The following MGAT4C variants were observed in gnomAD, a reference collection of about 807,000 sequenced individuals.
The protein encoded by MGAT4C is alpha-1,3-mannosyl-glycoprotein 4-beta-N-acetylglucosaminyltransferase C.
A neutral mutation model predicts 40.1 loss-of-function variants in MGAT4C; 19 were observed. The ratio of observed to expected loss-of-function variants is 0.47; its 90% CI spans 0.33 to 0.70. The LOEUF (loss-of-function observed/expected upper bound fraction) is 0.70. MGAT4C is among the 30% of genes least tolerant of loss of function. The pLI, the probability that MGAT4C is intolerant of heterozygous loss-of-function variation, is 0.02. For synonymous variants in MGAT4C, 181 were observed against 187.1 expected, an observed-to-expected ratio of 0.97 and a Z score of 0.27; for missense variants, 491 against 563.2, an observed-to-expected ratio of 0.87 and a Z score of 1.30.
intron 1 of MGAT4C, among the ~76,000 whole-genome samples, chr12:86,815,533 A>AC (rs1467823331): frequency 2.9e-4 from 44 of 151,742 alleles, no homozygotes; most frequent in Admixed American, 1.3e-4. Context: ...ATTCAAAAAA[A>AC]AAAATACATG....
intron 1 of MGAT4C, among the ~76,000 whole-genome samples, chr12:86,233,229 TA>T (rs1270147851): frequency 6.6e-6 from 1 of 152,212 alleles, no homozygotes; most frequent in African/African-American, 2.4e-5. Context: ...GTTTTCTTCA[TA>T]AGCAGCTTAT....
intron 4 of MGAT4C, among the ~76,000 whole-genome samples, chr12:86,278,961 T>C (rs1034652057): frequency 6.6e-6 from 1 of 152,270 alleles, no homozygotes; most frequent in Non-Finnish European, 1.5e-5. Flanking sequence ...AGTCAGTTGA[T>C]ATGATGTCTC....
chr12:86,715,368 G>A (rs1950627150), intron 2 of MGAT4C, among the ~76,000 whole-genome samples: 1 of 152,134 alleles, frequency 6.6e-6, no homozygotes, highest in African/African-American at 2.4e-5. Context: ...GGCAGTAGCT[G>A]ATGGGTGAGG....
chr12:86,491,174 G>C (rs961727123), intron 2 of MGAT4C, among the ~76,000 whole-genome samples: 1 of 152,046 alleles, frequency 6.6e-6, no homozygotes, highest in Non-Finnish European at 1.5e-5. Context: ...ACCAAAAAGA[G>C]TCCAGGACCA....
At chr12:86,443,126 T>C (rs944317653) in intron 2 of MGAT4C, among the ~76,000 whole-genome samples, 1 of 152,144 alleles carries the variant, frequency 6.6e-6, no homozygotes, top group African/African-American at 2.4e-5. Flanking sequence ...TTTGCAGGTG[T>C]CTGGAACCAA....
At chr12:86,601,916 G>A (rs1426183810) in intron 2 of MGAT4C, among the ~76,000 whole-genome samples, 1 of 152,180 alleles carries the variant, frequency 6.6e-6, no homozygotes, top group East Asian at 1.9e-4. Flanking sequence ...GTAACATGCT[G>A]TAATACCCTC....
chr12:86,098,286 T>C (rs1209833871), intron 1 of MGAT4C, among the ~76,000 whole-genome samples: 1 of 151,654 alleles, frequency 6.6e-6, no homozygotes, highest in Non-Finnish European at 1.5e-5. Context: ...TTCAAGGTAA[T>C]TTGTTATTTT....
intron 1 of MGAT4C, among the ~76,000 whole-genome samples, chr12:86,114,844 TA>T (rs1878110847): frequency 6.6e-6 from 1 of 151,976 alleles, no homozygotes; most frequent in Non-Finnish European, 1.5e-5. Flanking sequence ...TGTTAAAATC[TA>T]TTACCTACCC....
chr12:86,623,185 C>A (rs778413846), intron 2 of MGAT4C, among the ~76,000 whole-genome samples: 2 of 151,968 alleles, frequency 1.3e-5, no homozygotes, highest in Non-Finnish European at 2.9e-5. Context: ...AGAAAACAAC[C>A]AAACCTGTTC....
chr12:86,716,398 G>GT (rs1565944849), intron 2 of MGAT4C, among the ~76,000 whole-genome samples: 1 of 151,850 alleles, frequency 6.6e-6, no homozygotes, highest in Non-Finnish European at 1.5e-5. Context: ...ATTCCTTTTG[G>GT]TGGTGTTCAT....
intron 2 of MGAT4C, among the ~76,000 whole-genome samples, chr12:86,462,971 C>A (rs1193294309): frequency 5.9e-5 from 2 of 33,804 alleles, no homozygotes; most frequent in Non-Finnish European, 1.0e-4. Context: ...CAATACTTTC[C>A]ATCCTTCAAT....
At chr12:86,401,954 T>C (rs939967374) in intron 3 of MGAT4C, among the ~76,000 whole-genome samples, 2 of 152,080 alleles carry the variant, frequency 1.3e-5, no homozygotes, top group Non-Finnish European at 2.9e-5. Context: ...TACAAACATG[T>C]TTATGATTGC....
At chr12:86,172,054 C>T (rs1216691922) in intron 1 of MGAT4C, among the ~76,000 whole-genome samples, 1 of 152,138 alleles carries the variant, frequency 6.6e-6, no homozygotes, top group Non-Finnish European at 1.5e-5. Flanking sequence ...TTCTTTTGAA[C>T]CTTTCCTCAA....
chr12:86,447,704 A>C (rs1323139343), intron 2 of MGAT4C, among the ~76,000 whole-genome samples: 15 of 152,222 alleles, frequency 9.9e-5, no homozygotes, highest in Non-Finnish European at 2.2e-4. Context: ...TCAGCCATCC[A>C]ATATATAGAC....
At chr12:86,185,575 A>G (rs1020475992) in intron 1 of MGAT4C, among the ~76,000 whole-genome samples, 4 of 152,180 alleles carry the variant, frequency 2.6e-5, no homozygotes, top group African/African-American at 9.6e-5. Flanking sequence ...AACATGATCT[A>G]ATTCTGCCCC....
chr12:86,795,303 G>A (rs570400543), intron 1 of MGAT4C, among the ~76,000 whole-genome samples: 1 of 151,904 alleles, frequency 6.6e-6, no homozygotes, highest in African/African-American at 2.4e-5. Context: ...AATAACCTGT[G>A]TACCATTGAT....
At chr12:86,614,849 T>C (rs1962399950) in intron 2 of MGAT4C, among the ~76,000 whole-genome samples, 1 of 151,966 alleles carries the variant, frequency 6.6e-6, no homozygotes. Context: ...TTTTGGAAAT[T>C]GTGTACACTT....
At chr12:86,100,501 C>G (rs1037648476) in intron 1 of MGAT4C, among the ~76,000 whole-genome samples, 1 of 151,238 alleles carries the variant, frequency 6.6e-6, no homozygotes, top group African/African-American at 2.4e-5. Context: ...TTGCCTGCCC[C>G]CAATGCCCAC....
intron 1 of MGAT4C, among the ~76,000 whole-genome samples, chr12:86,745,609 A>C (rs1951140739): frequency 1.3e-5 from 2 of 151,678 alleles, no homozygotes; most frequent in East Asian, 3.9e-4. Context: ...TGGCCTAGAA[A>C]ACCAAATTTT....
Sources: allele counts gnomAD v4.1 joint callset (sites outside exome capture counted in the v4.1 genomes callset), GRCh38; gene constraint gnomAD v4.1.1; transcripts MANE v1.5; gene names NCBI Gene and HGNC (gene_info 2026-07-23, HGNC 2026-07-21).